Variants in NCAM2 observed in about 807,000 individuals in gnomAD.
The protein encoded by NCAM2 is neural cell adhesion molecule 2, also known as N-CAM-2.
A neutral mutation model predicts 98.1 loss-of-function variants in NCAM2; 30 were observed. That is an observed-to-expected ratio of 0.31 (90% confidence interval 0.23 to 0.41). NCAM2 has a LOEUF of 0.41. Ranked by LOEUF, NCAM2 falls within the 10% of genes least tolerant of loss-of-function variation. The pLI is 1.00. For missense variants in NCAM2, 867 were observed against 1,005.8 expected (o/e 0.86, Z 1.87); for synonymous variants, 368 against 342.4 (o/e 1.07, Z -0.83).
intron 8 of NCAM2, among the ~76,000 whole-genome samples, chr21:21,352,775 T>C (rs2075376049): frequency 6.7e-6 from 1 of 149,498 alleles, no homozygotes; most frequent in Admixed American, 6.7e-5. Context: ...TTTCAAGTTG[T>C]TGCACATGTA....
intron 11 of NCAM2, among the ~76,000 whole-genome samples, chr21:21,428,894 A>G (rs1466257281): frequency 1.3e-5 from 2 of 152,206 alleles, no homozygotes; most frequent in African/African-American, 4.8e-5. Flanking sequence ...AGAACTTACT[A>G]TATTCCAGTC....
intron 1 of NCAM2, among the ~76,000 whole-genome samples, chr21:21,059,208 G>T (rs1278741464): frequency 6.6e-6 from 1 of 151,966 alleles, no homozygotes; most frequent in African/African-American, 2.4e-5. Context: ...AGAGAAGTAT[G>T]TATAAAGGCA....
rs143259314 is a variant in NCAM2, at chr21:21,087,539, C to T, written c.55+88921C>T. On this transcript the variant is annotated intron_variant, in intron 1 of 17. Transcript: ENST00000400546. ...GCTTTTCTAGTGCTATCTCTGGTCCCTGACCTCTCCCTTGTGGTTCTTCTG... is the reference window on the plus strand; with the variant it reads ...GCTTTTCTAGTGCTATCTCTGGTCCTTGACCTCTCCCTTGTGGTTCTTCTG... Among the ~76,000 whole-genome samples the T allele has an allele frequency of 2.6e-3, 402 of 152,282 alleles. 1 individual carries two copies. Among genetic ancestry groups the T allele is most frequent in the African/African-American group, 9.4e-3 (391 of 41,554 alleles).
intron 8 of NCAM2, among the ~76,000 whole-genome samples, chr21:21,350,100 T>C (rs1003354383): frequency 6.6e-6 from 1 of 152,282 alleles, no homozygotes; most frequent in South Asian, 2.1e-4. Flanking sequence ...GATAAATGCT[T>C]GAGGGAATGA....
intron 11 of NCAM2, among the ~76,000 whole-genome samples, chr21:21,428,068 CTCTCATGACATATCCA>C (rs2077253901): frequency 6.6e-6 from 1 of 152,224 alleles, no homozygotes; most frequent in African/African-American, 2.4e-5. Flanking sequence ...AATCCATGGA[CTCTCATGACATATCCA>C]GTCTCTTAAT....
chr21:21,300,293 A>G (rs1333601891), intron 5 of NCAM2, among the ~76,000 whole-genome samples: 4 of 152,042 alleles, frequency 2.6e-5, no homozygotes, highest in Non-Finnish European at 4.4e-5. Context: ...TGAACCACGA[A>G]GATCCAAATG....
intron 8 of NCAM2, among the ~76,000 whole-genome samples, chr21:21,340,898 A>C (rs1022909940): frequency 2.6e-5 from 4 of 152,022 alleles, no homozygotes; most frequent in Admixed American, 2.6e-4. Flanking sequence ...TTTTAATATG[A>C]ATTTTTTCAT....
intron 9 of NCAM2, among the ~76,000 whole-genome samples, chr21:21,401,132 A>G (rs2076620554): frequency 6.6e-6 from 1 of 152,178 alleles, no homozygotes; most frequent in African/African-American, 2.4e-5. Context: ...AATTTTGCTT[A>G]TGAGCACCAG....
chr21:21,077,476 G>C (rs2065703860), intron 1 of NCAM2, among the ~76,000 whole-genome samples: 1 of 152,148 alleles, frequency 6.6e-6, no homozygotes, highest in Admixed American at 6.5e-5. Context: ...TCTGTTTCTT[G>C]ATTTCAGATT....
At chr21:21,065,220 CAAA>C (rs899359861) in intron 1 of NCAM2, among the ~76,000 whole-genome samples, 24 of 151,330 alleles carry the variant, frequency 1.6e-4, no homozygotes, top group African/African-American at 5.1e-4. Context: ...CAAAACAAAA[CAAA>C]AAAAACTTAC....
chr21:21,158,611 G>T (rs1352900700), intron 1 of NCAM2, among the ~76,000 whole-genome samples: 1 of 7,190 alleles, frequency 1.4e-4, no homozygotes, highest in Middle Eastern at 0.062. Context: ...CCCCGCCCCC[G>T]CAAAAAAAAA....
chr21:21,117,031 T>A (rs2066576581), intron 1 of NCAM2, among the ~76,000 whole-genome samples: 1 of 152,164 alleles, frequency 6.6e-6, no homozygotes, highest in Non-Finnish European at 1.5e-5. Flanking sequence ...AGAAAAAGGA[T>A]TATGTATATT....
chr21:21,489,625 A>C (rs1306094447), intron 15 of NCAM2, among the ~76,000 whole-genome samples: 2 of 152,202 alleles, frequency 1.3e-5, no homozygotes, highest in African/African-American at 4.8e-5. Context: ...AGATAGCTGA[A>C]ATCTGCATAT....
intron 1 of NCAM2, chr21:21,147,262 A>T: frequency 1.0e-6 from 1 of 984,726 alleles, no homozygotes; most frequent in Non-Finnish European, 1.2e-6. Context: ...GTAAATATTC[A>T]GAGATGTGTC....
At chr21:21,062,618 T>C (rs995340835) in intron 1 of NCAM2, among the ~76,000 whole-genome samples, 16 of 152,232 alleles carry the variant, frequency 1.1e-4, no homozygotes, top group African/African-American at 3.9e-4. Flanking sequence ...TAAATTTTTG[T>C]TGTTTAAGCC....
chr21:21,481,016 G>A (rs1359178354), intron 15 of NCAM2, among the ~76,000 whole-genome samples: 1 of 152,204 alleles, frequency 6.6e-6, no homozygotes, highest in Admixed American at 6.5e-5. Context: ...GAAATGAGAA[G>A]ATAACCATGG....
chr21:21,337,214 G>A (rs1220520403), intron 7 of NCAM2, among the ~76,000 whole-genome samples: 1 of 151,846 alleles, frequency 6.6e-6, no homozygotes, highest in African/African-American at 2.4e-5. Flanking sequence ...TATTTACATC[G>A]TTTTTATCAG....
chr21:21,145,136 T>C lies in NCAM2; in HGVS notation c.56-135442T>C, dbSNP rs1601489734. On this transcript the variant is annotated intron_variant, in intron 1 of 17. Coordinates refer to ENST00000400546, the MANE Select transcript of NCAM2 (RefSeq NM_004540.5). ...TTTGATTACTCCACCAAATTTTTCA[T>C]GGTTTCTTACCATTTAAAAACAAGA... Among the ~76,000 whole-genome samples the C allele has an allele frequency of 2.0e-5, 3 of 152,296 alleles. No individual in the cohort carries two copies. The South Asian group carries it at 6.2e-4, about 32-fold the overall frequency.
intron 15 of NCAM2, among the ~76,000 whole-genome samples, chr21:21,498,266 T>A (rs1240508984): frequency 6.6e-6 from 1 of 152,150 alleles, no homozygotes; most frequent in Non-Finnish European, 1.5e-5. Context: ...ATTTTGATTT[T>A]TAATGTTTTT....
Sources: gnomAD v4.1 joint callset for allele counts (sites outside exome capture counted in the v4.1 genomes callset) on GRCh38, gnomAD v4.1.1 for gene constraint, MANE v1.5 for transcripts, NCBI Gene and HGNC (gene_info 2026-07-23, HGNC 2026-07-21) for gene names.